The following ZNF782 variants were observed in gnomAD, a reference collection of about 807,000 sequenced individuals.
ZNF782 encodes the protein zinc finger protein 782.
Under a neutral mutation model 13.0 loss-of-function variants are expected in ZNF782, and 12 were observed. The observed-to-expected ratio is 0.92, with a 90% confidence interval of 0.59 to 1.50. The LOEUF is 1.50. ZNF782 is among the 40% of genes most tolerant of loss of function. The pLI is 0.00. For missense variants in ZNF782, 770 were observed against 822.9 expected, an observed-to-expected ratio of 0.94 and a Z score of 0.79; for synonymous variants, 284 against 283.0, an observed-to-expected ratio of 1.00 and a Z score of -0.04.
the ZNF782 span, among the ~76,000 whole-genome samples, chr9:96,901,396 C>T: frequency 6.7e-6 from 1 of 150,234 alleles, no homozygotes; most frequent in Non-Finnish European, 1.5e-5. Flanking sequence ...CTCAGCCTCC[C>T]GAGTAACTGG....
the ZNF782 span, among the ~76,000 whole-genome samples, chr9:96,884,183 G>A: frequency 6.6e-6 from 1 of 152,214 alleles, no homozygotes; most frequent in African/African-American, 2.4e-5. Flanking sequence ...AGGAGGAGCT[G>A]AGATTCCATG....
upstream of ZNF782, among the ~76,000 whole-genome samples, chr9:96,877,192 G>T (rs918509674): frequency 1.3e-5 from 2 of 152,000 alleles, no homozygotes; most frequent in African/African-American, 4.8e-5. Flanking sequence ...AATTTCTTCC[G>T]TGAGATGATA....
chr9:96,884,457 T>C, the ZNF782 span, among the ~76,000 whole-genome samples: 1 of 152,202 alleles, frequency 6.6e-6, no homozygotes, highest in Non-Finnish European at 1.5e-5. Context: ...CTTCTCCCCT[T>C]TCCTGATATC....
rs542909345 is a variant in ZNF782, at chr9:96,843,562, G to A, written c.142+1328C>T. On this transcript the variant is annotated intron_variant, in intron 4 of 5. Transcript: ENST00000481138. ...GTGACTATGAATGAGTAGCACCAAA[G>A]AGATCTTTGTGGTGATAGAGCAGTT... Among the ~76,000 whole-genome samples the A allele has an allele frequency of 1.1e-4, 16 of 152,310 alleles. No individual in the cohort carries two copies. In the South Asian group the frequency reaches 3.3e-3, roughly 32 times the overall value.
the ZNF782 span, among the ~76,000 whole-genome samples, chr9:96,884,810 A>G: frequency 6.6e-6 from 1 of 152,312 alleles, no homozygotes; most frequent in Admixed American, 6.5e-5. Context: ...CTGGCACTAT[A>G]CCCACTTAAA....
At chr9:96,866,831 ACT>A (rs1851759839) in intron 1 of ZNF782, among the ~76,000 whole-genome samples, 1 of 152,168 alleles carries the variant, frequency 6.6e-6, no homozygotes, top group African/African-American at 2.4e-5. Context: ...AAAGGAGATC[ACT>A]CTGGAGCTTT....
At chr9:96,884,243 AG>A in the ZNF782 span, among the ~76,000 whole-genome samples, 1 of 152,332 alleles carries the variant, frequency 6.6e-6, no homozygotes, top group African/African-American at 2.4e-5. Flanking sequence ...GGGTAGTGTC[AG>A]TGGGGTCAAA....
intron 1 of ZNF782, among the ~76,000 whole-genome samples, chr9:96,870,004 C>A (rs1162809464): frequency 6.6e-6 from 1 of 152,148 alleles, no homozygotes; most frequent in Non-Finnish European, 1.5e-5. Context: ...ACTGTGACAT[C>A]TTTAGGAGCC....
the ZNF782 span, among the ~76,000 whole-genome samples, chr9:96,909,673 A>G: frequency 2.0e-5 from 3 of 151,960 alleles, no homozygotes; most frequent in Admixed American, 1.3e-4. Flanking sequence ...AGAAAAGTTT[A>G]TACTGACTAA....
At chr9:96,930,872 GTTTTTTTTTTTTTTTTTTTTTTTTTT>G in the ZNF782 span, among the ~76,000 whole-genome samples, 5 of 72,724 alleles carry the variant, frequency 6.9e-5, no homozygotes, top group South Asian at 5.6e-4. Context: ...CCATCCAGTG[GTTTTTTTTTTTTTTTTTTTTTTTTTT>G]TTTTTTTTTT....
At chr9:96,840,779 T>TA (rs1444127239) in intron 4 of ZNF782, among the ~76,000 whole-genome samples, 1 of 152,048 alleles carries the variant, frequency 6.6e-6, no homozygotes, top group Non-Finnish European at 1.5e-5. Flanking sequence ...CTGAATTTTT[T>TA]ATGGCACTAA....
chr9:96,916,417 A>C, the ZNF782 span, among the ~76,000 whole-genome samples: 3 of 151,954 alleles, frequency 2.0e-5, no homozygotes, highest in Admixed American at 2.0e-4. Flanking sequence ...TTGAACCTGG[A>C]AGGCGGATTT....
the ZNF782 span, among the ~76,000 whole-genome samples, chr9:96,921,689 C>T: frequency 6.8e-6 from 1 of 147,682 alleles, no homozygotes; most frequent in East Asian, 2.2e-4. Flanking sequence ...AGTGAAACCC[C>T]ATCTCTATTT....
In ZNF782 at chr9:96,827,195, A is replaced by C; in HGVS notation, c.143-14T>G. ...TAAAGCAGTAGCCTATAAATGGGAA[A>C]CAATTTAGCATTTGCATTAGTTGCA... On this transcript the variant is annotated splice_polypyrimidine_tract_variant and intron_variant, in intron 4 of 5. Transcript: ENST00000481138. 1 of 1,578,008 alleles carries C rather than the reference A, an allele frequency of 6.3e-7. No homozygotes were observed. The highest frequency in any genetic ancestry group is 8.7e-7 in the Non-Finnish European group (1 of 1,153,764).
chr9:96,917,734 A>AT, the ZNF782 span, among the ~76,000 whole-genome samples: 2 of 150,696 alleles, frequency 1.3e-5, no homozygotes, highest in East Asian at 1.9e-4. Flanking sequence ...CCGACCAGAA[A>AT]TTTTTTTTTA....
chr9:96,902,534 A>G, the ZNF782 span, among the ~76,000 whole-genome samples: 2 of 131,554 alleles, frequency 1.5e-5, no homozygotes, highest in Non-Finnish European at 3.1e-5. Context: ...ACATAGAATT[A>G]CATATATACA....
In ZNF782 at chr9:96,854,141, G is replaced by A. The variant is rs1047145917; in HGVS notation, c.-315C>T. 7 of 152,174 alleles carry A rather than the reference G, an allele frequency of 4.6e-5. No homozygotes were observed. The highest frequency in any genetic ancestry group is 1.7e-4 in the African/African-American group (7 of 41,428). 9.4% of individuals were successfully genotyped at this position (152,174 alleles called of 1,614,324 possible). A position where few individuals can be genotyped will look rare whatever the true frequency, so the allele number is the denominator to read the frequency against. On this transcript the variant is annotated 5_prime_UTR_variant, in exon 1 of 6. Transcript: ENST00000481138. ...GTCTCGATGCAGACCCACCGTCCGG[G>A]GATTTCGGGCACGTTGTCGCCCGCG...
At chr9:96,918,314 G>A in the ZNF782 span, among the ~76,000 whole-genome samples, 3,701 of 147,836 alleles carry the variant, frequency 0.025, no homozygotes, top group African/African-American at 0.039. Context: ...GGAAGCTGAG[G>A]GGGGAGAATT....
the ZNF782 span, among the ~76,000 whole-genome samples, chr9:96,911,898 T>C: frequency 0.019 from 2,885 of 151,998 alleles, 68 homozygotes; most frequent in East Asian, 0.21. Flanking sequence ...AGTTGGTTTA[T>C]ATGATTTGGT....
Sources: allele counts gnomAD v4.1 joint callset (sites outside exome capture counted in the v4.1 genomes callset), GRCh38; gene constraint gnomAD v4.1.1; transcripts MANE v1.5; gene names NCBI Gene and HGNC (gene_info 2026-07-23, HGNC 2026-07-21).